RIMS2: variants seen among roughly 807,000 people sequenced by gnomAD.
RIMS2 encodes the protein regulating synaptic membrane exocytosis protein 2.
RIMS2 carries 59 observed loss-of-function variants against 174.4 expected under a neutral mutation model. The observed-to-expected ratio is 0.34, with a 90% CI of 0.27 to 0.42. The LOEUF (loss-of-function observed/expected upper bound fraction) is 0.42. Ranked by LOEUF, RIMS2 falls within the 10% of genes least tolerant of loss-of-function variation. The pLI, the probability that RIMS2 is intolerant of heterozygous loss-of-function variation, is 1.00. For synonymous variants in RIMS2, 606 were observed against 572.5 expected, an observed-to-expected ratio of 1.06 and a Z score of -0.84; for missense variants, 1,620 against 1,666.3, an observed-to-expected ratio of 0.97 and a Z score of 0.48.
intron 3 of RIMS2, among the ~76,000 whole-genome samples, chr8:103,834,357 A>G (rs1322135534): frequency 7.3e-6 from 1 of 136,816 alleles, no homozygotes; most frequent in African/African-American, 2.8e-5. Context: ...TTTTTAAGAA[A>G]TGGGAGTCTC....
At chr8:103,816,116 T>C (rs767988458) in intron 3 of RIMS2, among the ~76,000 whole-genome samples, 7 of 152,308 alleles carry the variant, frequency 4.6e-5, no homozygotes, top group Non-Finnish European at 8.8e-5. Context: ...AAACATTCTT[T>C]ATAATATTCA....
At chr8:103,755,153 G>C (rs1029392026) in intron 2 of RIMS2, among the ~76,000 whole-genome samples, 1 of 152,110 alleles carries the variant, frequency 6.6e-6, no homozygotes, top group East Asian at 1.9e-4. Flanking sequence ...GCATTTCCTT[G>C]TGTGTAAAGA....
intron 19 of RIMS2, among the ~76,000 whole-genome samples, chr8:104,060,659 G>A (rs2096967094): frequency 6.6e-6 from 1 of 152,082 alleles, no homozygotes; most frequent in South Asian, 2.1e-4. Flanking sequence ...TAATTGTGAT[G>A]TTAGGATGTC....
At chr8:103,755,896 G>A (rs773596305) in intron 2 of RIMS2, among the ~76,000 whole-genome samples, 1 of 152,110 alleles carries the variant, frequency 6.6e-6, no homozygotes, top group Non-Finnish European at 1.5e-5. Flanking sequence ...GGAGGAGTTT[G>A]TTATTACTGA....
At chr8:104,188,039 A>T (rs933580970) in intron 19 of RIMS2, among the ~76,000 whole-genome samples, 14 of 151,842 alleles carry the variant, frequency 9.2e-5, no homozygotes, top group South Asian at 2.1e-4. Flanking sequence ...AACATAGGAG[A>T]TGTAGAAGTA....
intron 3 of RIMS2, among the ~76,000 whole-genome samples, chr8:103,846,811 C>T (rs182548621): frequency 3.9e-5 from 6 of 152,098 alleles, no homozygotes; most frequent in Non-Finnish European, 8.8e-5. Context: ...TATTTTTTTC[C>T]ACTTTTACTG....
chr8:103,875,874 A>AT (rs1565053548), intron 3 of RIMS2, among the ~76,000 whole-genome samples: 1 of 151,856 alleles, frequency 6.6e-6, no homozygotes, highest in African/African-American at 2.4e-5. Context: ...GATGTTAAGA[A>AT]TTTTTTCATG....
At chr8:103,881,477 C>A (rs919862979) in intron 3 of RIMS2, among the ~76,000 whole-genome samples, 13 of 151,194 alleles carry the variant, frequency 8.6e-5, no homozygotes, top group Non-Finnish European at 1.9e-4. Flanking sequence ...GCATGTAAAC[C>A]CTGGATGCCT....
chr8:103,708,659 T>C (rs2097263371), intron 2 of RIMS2, among the ~76,000 whole-genome samples: 1 of 152,222 alleles, frequency 6.6e-6, no homozygotes, highest in Non-Finnish European at 1.5e-5. Flanking sequence ...CTCCTCCCTT[T>C]CACTGTTTCC....
chr8:103,723,471 T>A (rs1309683781), intron 2 of RIMS2, among the ~76,000 whole-genome samples: 2 of 152,152 alleles, frequency 1.3e-5, no homozygotes, highest in Non-Finnish European at 2.9e-5. Context: ...GGTACCTGGG[T>A]CAGTGGATGA....
At chr8:104,132,279 C>T (rs987995628) in intron 19 of RIMS2, among the ~76,000 whole-genome samples, 4 of 152,022 alleles carry the variant, frequency 2.6e-5, no homozygotes, top group Non-Finnish European at 5.9e-5. Context: ...TGGGTCATTT[C>T]AGAATTTGTC....
intron 1 of RIMS2, among the ~76,000 whole-genome samples, chr8:103,628,224 T>C (rs1235301319): frequency 2.0e-5 from 3 of 152,132 alleles, no homozygotes; most frequent in Non-Finnish European, 4.4e-5. Context: ...CTCTACTAAT[T>C]ACAATTTTAA....
chr8:103,968,467 CAT>C (rs2092421933), intron 15 of RIMS2, among the ~76,000 whole-genome samples: 2 of 150,910 alleles, frequency 1.3e-5, no homozygotes, highest in South Asian at 2.1e-4. Context: ...TCCTTCATAT[CAT>C]ATGTCTTTCC....
chr8:103,922,741 T>TG (rs1033558587), intron 10 of RIMS2: 1 of 297,128 alleles, frequency 3.4e-6, no homozygotes, highest in Non-Finnish European at 7.1e-6. Flanking sequence ...TGGTTTTTTT[T>TG]GGGGGTGGGT....
chr8:103,764,975 G>A (rs531233159), intron 2 of RIMS2, among the ~76,000 whole-genome samples: 1 of 152,224 alleles, frequency 6.6e-6, no homozygotes, highest in South Asian at 2.1e-4. Context: ...GATAAGATCT[G>A]TACAAACTAT....
intron 19 of RIMS2, among the ~76,000 whole-genome samples, chr8:104,034,710 T>C (rs2096479093): frequency 6.6e-6 from 1 of 152,050 alleles, no homozygotes; most frequent in Admixed American, 6.6e-5. Context: ...ACTCAGGTGA[T>C]CCACCCACCT....
chr8:103,905,775 C>CTTTT (rs60157494), intron 4 of RIMS2, among the ~76,000 whole-genome samples: 88 of 122,038 alleles, frequency 7.2e-4, no homozygotes, highest in Non-Finnish European at 1.2e-3. Context: ...ATTTTCTTTT[C>CTTTT]TTTTTTTTTT....
chr8:103,692,395 T>A (rs2097039829), intron 1 of RIMS2, among the ~76,000 whole-genome samples: 1 of 152,242 alleles, frequency 6.6e-6, no homozygotes, highest in Admixed American at 6.5e-5. Flanking sequence ...TCTATTCTAC[T>A]GTGCCTGAGC....
At chr8:103,657,644 T>C (rs1196871892) in intron 1 of RIMS2, among the ~76,000 whole-genome samples, 1 of 152,208 alleles carries the variant, frequency 6.6e-6, no homozygotes, top group Admixed American at 6.5e-5. Flanking sequence ...TTTTCAATGA[T>C]AGAGGAAGGT....
Sources: allele counts gnomAD v4.1 joint callset (sites outside exome capture counted in the v4.1 genomes callset), GRCh38; gene constraint gnomAD v4.1.1; transcripts MANE v1.5; gene names NCBI Gene and HGNC (gene_info 2026-07-23, HGNC 2026-07-21).